Variants in LARGE1 observed in about 807,000 individuals in gnomAD.
LARGE1 encodes xylosyl- and glucuronyltransferase LARGE1.
LARGE1 carries 43 observed loss-of-function variants against 87.6 expected under a neutral mutation model. The ratio of observed to expected loss-of-function variants is 0.49; its 90% CI spans 0.38 to 0.63. The LOEUF is 0.63. Among genes scored for constraint, LARGE1 ranks in the 30% least tolerant of loss-of-function variants. The pLI is 0.00. For missense variants in LARGE1, 802 were observed against 1,000.2 expected, an observed-to-expected ratio of 0.80 and a Z score of 2.67; for synonymous variants, 434 against 394.6, an observed-to-expected ratio of 1.10 and a Z score of -1.18.
intron 7 of LARGE1, among the ~76,000 whole-genome samples, chr22:33,408,616 G>A (rs1227879139): frequency 6.6e-6 from 1 of 151,822 alleles, no homozygotes; most frequent in African/African-American, 2.4e-5. Context: ...TGCTGTGGCT[G>A]TGAGCCCACA....
chr22:33,432,222 G>A lies in LARGE1; in HGVS notation c.831C>T (p.Tyr277=). The A allele has an allele frequency of 4.3e-6, 7 of 1,614,090 alleles. No individual in the cohort carries two copies. Among genetic ancestry groups the A allele is most frequent in the Non-Finnish European group, 5.9e-6 (7 of 1,180,002 alleles). The change falls in exon 7 of 15, where the codon TAC becomes TAT. Residue 277 remains tyrosine, a synonymous_variant. Coordinates refer to ENST00000397394, the MANE Select transcript of LARGE1 (RefSeq NM_133642.5). ...GGTGATTTTTCCACAGGTTTCCAAGGTACCAGTCACTCTGGTTCTCCACCA... is the reference window on the plus strand; with the variant it reads ...GGTGATTTTTCCACAGGTTTCCAAGATACCAGTCACTCTGGTTCTCCACCA... ...LGLVENQSDW[Y]LGNLWKNHRP...
chr22:33,265,273 A>G (rs752327273), intron 11 of LARGE1, among the ~76,000 whole-genome samples: 1 of 152,088 alleles, frequency 6.6e-6, no homozygotes, highest in African/African-American at 2.4e-5. Context: ...TAATCCTGGT[A>G]AGTCAGTTTA....
At chr22:33,887,399 G>T (rs1231223551) in intron 1 of LARGE1, among the ~76,000 whole-genome samples, 2 of 152,290 alleles carry the variant, frequency 1.3e-5, no homozygotes, top group South Asian at 4.2e-4. Flanking sequence ...CTTGATCTTG[G>T]AATTCCAACA....
intron 3 of LARGE1, among the ~76,000 whole-genome samples, chr22:33,642,734 A>AAAAAAAAAC (rs2080481168): frequency 6.7e-6 from 1 of 148,886 alleles, no homozygotes; most frequent in African/African-American, 2.5e-5. Context: ...AAAAAAAAAA[A>AAAAAAAAAC]AGGCAGGAGA....
intron 11 of LARGE1, among the ~76,000 whole-genome samples, chr22:33,186,688 A>C (rs1391277537): frequency 6.6e-6 from 1 of 152,224 alleles, no homozygotes; most frequent in Non-Finnish European, 1.5e-5. Context: ...CATAAGTATC[A>C]AAGAGAATGT....
At chr22:33,440,992 C>A (rs965535800) in intron 6 of LARGE1, among the ~76,000 whole-genome samples, 1 of 151,582 alleles carries the variant, frequency 6.6e-6, no homozygotes, top group African/African-American at 2.4e-5. Context: ...GAGCCAAAAC[C>A]AAAACTCTGG....
At chr22:33,752,126 G>A (rs545521889) in intron 2 of LARGE1, among the ~76,000 whole-genome samples, 183 of 152,222 alleles carry the variant, frequency 1.2e-3, no homozygotes, top group Non-Finnish European at 2.2e-3. Context: ...ATAGTTTCCT[G>A]TCTGGTGCTA....
At chr22:33,669,038 T>C (rs1267692780) in intron 2 of LARGE1, among the ~76,000 whole-genome samples, 1 of 152,228 alleles carries the variant, frequency 6.6e-6, no homozygotes, top group East Asian at 1.9e-4. Context: ...GCTACGTTAC[T>C]GGCATCTCCC....
At chr22:33,198,279 C>T (rs1475076726) in intron 11 of LARGE1, among the ~76,000 whole-genome samples, 1 of 152,012 alleles carries the variant, frequency 6.6e-6, no homozygotes, top group Non-Finnish European at 1.5e-5. Context: ...TGAAAGACAT[C>T]TTTAAGGAAA....
intron 1 of LARGE1, among the ~76,000 whole-genome samples, chr22:33,856,575 T>TA (rs796734074): frequency 6.6e-6 from 1 of 152,288 alleles, no homozygotes; most frequent in African/African-American, 2.4e-5. Context: ...GCCCTAAACT[T>TA]AGAGGCGGAC....
intron 1 of LARGE1, among the ~76,000 whole-genome samples, chr22:33,887,664 G>T (rs1476355783): frequency 3.9e-5 from 6 of 152,018 alleles, no homozygotes; most frequent in African/African-American, 1.2e-4. Flanking sequence ...CTTGAGCCTG[G>T]AGGTGGAGGT....
chr22:33,522,928 AG>A (rs933785633), intron 6 of LARGE1, among the ~76,000 whole-genome samples: 1 of 152,054 alleles, frequency 6.6e-6, no homozygotes, highest in Admixed American at 6.5e-5. Flanking sequence ...GGATGGCTTG[AG>A]CCCGGGAGGT....
chr22:33,731,999 TG>T (rs1208028029), intron 2 of LARGE1, among the ~76,000 whole-genome samples: 2 of 152,244 alleles, frequency 1.3e-5, no homozygotes, highest in Non-Finnish European at 1.5e-5. Context: ...TCAAATGCCT[TG>T]CTTTTATTCA....
At chr22:33,409,860 CAAAAAAAAA>C (rs35645500) in intron 7 of LARGE1, among the ~76,000 whole-genome samples, 17 of 63,100 alleles carry the variant, frequency 2.7e-4, no homozygotes, top group African/African-American at 9.5e-4. Flanking sequence ...GACTCCATCT[CAAAAAAAAA>C]AAAAAAAAAA....
intron 9 of LARGE1, among the ~76,000 whole-genome samples, chr22:33,341,336 A>G (rs755508377): frequency 1.3e-5 from 2 of 151,930 alleles, no homozygotes; most frequent in African/African-American, 4.8e-5. Flanking sequence ...TGAGAAATAA[A>G]CATCAAGCAG....
chr22:33,609,325 C>A (rs2079357566), intron 4 of LARGE1, among the ~76,000 whole-genome samples: 1 of 152,188 alleles, frequency 6.6e-6, no homozygotes, highest in Non-Finnish European at 1.5e-5. Flanking sequence ...GAGCCTTCCA[C>A]ATAAACCAAC....
intron 1 of LARGE1, among the ~76,000 whole-genome samples, chr22:33,883,704 G>A (rs1279710580): frequency 1.3e-5 from 2 of 152,190 alleles, no homozygotes; most frequent in Non-Finnish European, 2.9e-5. Context: ...CCTTTGCACT[G>A]GCATGGGCCT....
upstream of LARGE1, chr22:33,922,345 C>T (rs1032035271): frequency 6.6e-6 from 1 of 152,186 alleles, no homozygotes; most frequent in Non-Finnish European, 1.5e-5. Context: ...GCCTCGGTAA[C>T]CACACTCTCG....
At chr22:33,832,458 G>C (rs561878722) in intron 1 of LARGE1, among the ~76,000 whole-genome samples, 1 of 152,138 alleles carries the variant, frequency 6.6e-6, no homozygotes, top group African/African-American at 2.4e-5. Context: ...CACACTGTCA[G>C]TGTTAAGGGA....
Sources: allele counts gnomAD v4.1 joint callset (sites outside exome capture counted in the v4.1 genomes callset), GRCh38; gene constraint gnomAD v4.1.1; transcripts MANE v1.5; gene names NCBI Gene and HGNC (gene_info 2026-07-23, HGNC 2026-07-21).